The following SEMA5A variants were observed in gnomAD, a reference collection of about 807,000 sequenced individuals.
SEMA5A encodes the protein semaphorin-5A.
SEMA5A carries 55 observed loss-of-function variants against 135.5 expected under a neutral mutation model. The observed-to-expected ratio is 0.41, with a 90% CI of 0.33 to 0.51. The LOEUF (loss-of-function observed/expected upper bound fraction) is 0.51, where lower values mean the gene tolerates loss of function less well. Among genes scored for constraint, SEMA5A ranks in the 20% least tolerant of loss-of-function variants. SEMA5A has a pLI of 0.37. For missense variants in SEMA5A, 1,290 were observed against 1,419.9 expected (o/e 0.91, Z 1.47); for synonymous variants, 580 against 546.5 (o/e 1.06, Z -0.85).
chr5:9,221,554 G>A (rs113756766), intron 8 of SEMA5A, among the ~76,000 whole-genome samples: 15,671 of 150,832 alleles, frequency 0.1, 866 homozygotes, highest in Middle Eastern at 0.2. Context: ...CGCCCGCCTC[G>A]GCCTCCCAAA....
intron 13 of SEMA5A, among the ~76,000 whole-genome samples, chr5:9,123,938 G>A (rs1269204615): frequency 6.6e-6 from 1 of 152,142 alleles, no homozygotes; most frequent in Non-Finnish European, 1.5e-5. Flanking sequence ...CACAAGGTCT[G>A]GGAAGAGCAA....
In SEMA5A at chr5:9,041,285, C is replaced by T. The variant is rs1000055236; in HGVS notation, c.*1612G>A. On this transcript the variant is annotated 3_prime_UTR_variant, in exon 23 of 23. Transcript: ENST00000382496. Reference sequence around the variant, plus strand: ...TAAAATCACATATGCTAATAAAATTCTATGTTCCTTAGTCCCCCTACTATA... The same window carrying T: ...TAAAATCACATATGCTAATAAAATTTTATGTTCCTTAGTCCCCCTACTATA... 1 of 152,174 alleles carries T rather than the reference C, an allele frequency of 6.6e-6. No individual in the cohort carries two copies. The highest frequency in any genetic ancestry group is 1.5e-5 in the Non-Finnish European group (1 of 68,020). 9.4% of individuals were successfully genotyped at this position (152,174 alleles called of 1,614,324 possible). A position where few individuals can be genotyped will look rare whatever the true frequency, so the allele number is the denominator to read the frequency against.
intron 18 of SEMA5A, among the ~76,000 whole-genome samples, chr5:9,055,906 A>G (rs1315295218): frequency 2.0e-5 from 3 of 151,508 alleles, no homozygotes; most frequent in African/African-American, 7.3e-5. Context: ...TCTCTCCCAT[A>G]TCTATTCTCA....
intron 5 of SEMA5A, among the ~76,000 whole-genome samples, chr5:9,276,349 A>G (rs888955374): frequency 6.6e-6 from 1 of 152,226 alleles, no homozygotes; most frequent in Non-Finnish European, 1.5e-5. Context: ...GCTCATGGAT[A>G]GGAAGAATCA....
chr5:9,471,067 C>T (rs1479790947), intron 1 of SEMA5A, among the ~76,000 whole-genome samples: 4 of 152,156 alleles, frequency 2.6e-5, no homozygotes, highest in Non-Finnish European at 5.9e-5. Flanking sequence ...AGACGAAACC[C>T]TCATTCAGGA....
chr5:9,069,657 T>C (rs115853525), intron 16 of SEMA5A, among the ~76,000 whole-genome samples: 3,517 of 152,242 alleles, frequency 0.023, 149 homozygotes, highest in African/African-American at 0.08. Flanking sequence ...ACAGAAAATA[T>C]GTAAGGCGAT....
At chr5:9,518,000 T>C (rs985013781) in intron 1 of SEMA5A, 4 of 152,188 alleles carry the variant, frequency 2.6e-5, no homozygotes, top group Non-Finnish European at 4.4e-5. Context: ...AAAGCGTAAG[T>C]AGTAACTATG....
intron 1 of SEMA5A, among the ~76,000 whole-genome samples, chr5:9,513,934 C>T (rs1429292166): frequency 6.6e-6 from 1 of 152,112 alleles, no homozygotes; most frequent in Non-Finnish European, 1.5e-5. Flanking sequence ...AAACTTAGTG[C>T]CTTAAAACAA....
intron 11 of SEMA5A, among the ~76,000 whole-genome samples, chr5:9,157,774 C>A (rs368446277): frequency 6.6e-6 from 1 of 152,216 alleles, no homozygotes; most frequent in Non-Finnish European, 1.5e-5. Flanking sequence ...CCTGAGGTGA[C>A]AAATGACAAT....
At chr5:9,499,077 C>T (rs894465988) in intron 1 of SEMA5A, among the ~76,000 whole-genome samples, 1 of 152,186 alleles carries the variant, frequency 6.6e-6, no homozygotes, top group Non-Finnish European at 1.5e-5. Flanking sequence ...CCTCCTCCTA[C>T]CTTCCATGAG....
At chr5:9,341,146 G>C (rs1417348858) in intron 3 of SEMA5A, among the ~76,000 whole-genome samples, 1 of 150,230 alleles carries the variant, frequency 6.7e-6, no homozygotes, top group African/African-American at 2.5e-5. Flanking sequence ...AAACTTCCAA[G>C]TACAATATAG....
chr5:9,060,593 C>T (rs1156561435), intron 18 of SEMA5A, among the ~76,000 whole-genome samples: 1 of 152,018 alleles, frequency 6.6e-6, no homozygotes, highest in Admixed American at 6.6e-5. Flanking sequence ...GTTCAGTGAC[C>T]TTTCCCAGCC....
intron 1 of SEMA5A, among the ~76,000 whole-genome samples, chr5:9,534,985 C>G (rs1737676095): frequency 6.6e-6 from 1 of 152,204 alleles, no homozygotes. Context: ...GTCCAAGCAC[C>G]TACATTGACT....
At chr5:9,248,534 C>A (rs977399618) in intron 5 of SEMA5A, among the ~76,000 whole-genome samples, 1 of 145,904 alleles carries the variant, frequency 6.9e-6, no homozygotes, top group South Asian at 2.2e-4. Flanking sequence ...ATCTCTGCAA[C>A]CTGTGAAGTT....
At chr5:9,220,195 G>A (rs1480234588) in intron 8 of SEMA5A, among the ~76,000 whole-genome samples, 1 of 152,162 alleles carries the variant, frequency 6.6e-6, no homozygotes, top group African/African-American at 2.4e-5. Context: ...GGTCTTTTGG[G>A]ACTTGTGGGA....
At chr5:9,116,517 T>C (rs148520533) in intron 15 of SEMA5A, among the ~76,000 whole-genome samples, 7 of 152,312 alleles carry the variant, frequency 4.6e-5, no homozygotes, top group African/African-American at 1.4e-4. Context: ...AAAAATTATG[T>C]AAATACTTCT....
At chr5:9,389,841 T>C (rs1309584290) in intron 2 of SEMA5A, among the ~76,000 whole-genome samples, 1 of 152,230 alleles carries the variant, frequency 6.6e-6, no homozygotes, top group Non-Finnish European at 1.5e-5. Context: ...CGTTGATTCT[T>C]ATTCCTGTTA....
At chr5:9,335,607 C>T (rs1268069462) in intron 4 of SEMA5A, among the ~76,000 whole-genome samples, 2 of 152,204 alleles carry the variant, frequency 1.3e-5, no homozygotes, top group African/African-American at 2.4e-5. Context: ...ATTGGGGTCA[C>T]ATTTGTACCT....
chr5:9,268,470 T>G (rs1468985871), intron 5 of SEMA5A, among the ~76,000 whole-genome samples: 1 of 152,128 alleles, frequency 6.6e-6, no homozygotes, highest in African/African-American at 2.4e-5. Context: ...AATGTAAAGC[T>G]TACTTTTTAT....
Sources: gnomAD v4.1 joint callset for allele counts (sites outside exome capture counted in the v4.1 genomes callset) on GRCh38, gnomAD v4.1.1 for gene constraint, MANE v1.5 for transcripts, NCBI Gene and HGNC (gene_info 2026-07-23, HGNC 2026-07-21) for gene names.